TMEM217: variants seen among roughly 807,000 people sequenced by gnomAD.
TMEM217 encodes the protein chromosome 6 open reading frame 128.
For missense variants in TMEM217, 204 were observed against 248.8 expected, an observed-to-expected ratio of 0.82 and a Z score of 1.21; for synonymous variants, 76 against 88.3, an observed-to-expected ratio of 0.86 and a Z score of 0.78.
At chr6:37,225,654 C>T (rs1257724269) in intron 1 of TMEM217, among the ~76,000 whole-genome samples, 3 of 152,196 alleles carry the variant, frequency 2.0e-5, no homozygotes, top group African/African-American at 7.2e-5. Flanking sequence ...ATTTTGGGTT[C>T]CCATTGGTCT....
intron 1 of TMEM217, among the ~76,000 whole-genome samples, chr6:37,253,407 A>AC (rs2113935514): frequency 1.3e-5 from 2 of 151,878 alleles, no homozygotes; most frequent in South Asian, 4.2e-4. Flanking sequence ...TTTTCCCTTC[A>AC]CCCCCCAAAT....
intron 1 of TMEM217, among the ~76,000 whole-genome samples, chr6:37,224,461 G>A (rs1222049675): frequency 6.6e-6 from 1 of 151,554 alleles, no homozygotes; most frequent in African/African-American, 2.4e-5. Context: ...AGCCGGGCGT[G>A]GTGGCGGGCA....
rs1224310 is a variant in TMEM217 at position 37,219,153 on chromosome 6, C to T, written c.-11-112G>A. ...CTTTGGAGAAATATAGACAGAAATA[C>T]GAAAACTGGGAAACTATAGCCTTGG... is the stretch of plus-strand genomic sequence containing the variant. On this transcript the variant is annotated intron_variant, in intron 1 of 1. Transcript: ENST00000357219. 0.013 allele frequency: 12,658 copies of T among 943,614 alleles called. 969 individuals carry two copies. The African/African-American group carries it at 0.17, about 13-fold the overall frequency. The allele number at this position is 943,614 out of a possible 1,614,324, so 58.5% of individuals were successfully genotyped here. A position where few individuals can be genotyped will look rare whatever the true frequency, so the allele number is the denominator to read the frequency against.
At chr6:37,214,963 C>T (rs572729436), downstream of TMEM217, among the ~76,000 whole-genome samples, 16 of 152,340 alleles carry the variant, frequency 1.1e-4, no homozygotes, top group African/African-American at 3.6e-4. Context: ...GGGTACTCAC[C>T]TGAATTGTCT....
chr6:37,243,545 A>T (rs903131585), intron 1 of TMEM217, among the ~76,000 whole-genome samples: 3 of 152,104 alleles, frequency 2.0e-5, no homozygotes, highest in African/African-American at 7.2e-5. Context: ...ATCATATGGG[A>T]TATGGAGTTA....
At chr6:37,213,914 C>T (rs149281162), downstream of TMEM217, among the ~76,000 whole-genome samples, 289 of 152,332 alleles carry the variant, frequency 1.9e-3, 2 homozygotes, top group African/African-American at 6.1e-3. Flanking sequence ...GGCACAGTCA[C>T]ACATTAGGAG....
At chr6:37,233,534 G>A (rs1764325443) in intron 1 of TMEM217, among the ~76,000 whole-genome samples, 1 of 152,190 alleles carries the variant, frequency 6.6e-6, no homozygotes, top group African/African-American at 2.4e-5. Flanking sequence ...CCTCTTTTAC[G>A]AGGGCATTAA....
At chr6:37,218,815 A>C (rs746902624) in exon 2 of TMEM217, 1 of 1,614,108 alleles carries the variant, frequency 6.2e-7, no homozygotes, top group African/African-American at 1.3e-5. Context: ...TGGTGATGAA[A>C]GACAGGAAGA....
At chr6:37,252,424 T>C (rs1001415225) in intron 1 of TMEM217, among the ~76,000 whole-genome samples, 1 of 151,918 alleles carries the variant, frequency 6.6e-6, no homozygotes, top group Non-Finnish European at 1.5e-5. Flanking sequence ...CTGCCTTTGA[T>C]ACAAGAAGTT....
At chr6:37,218,036 T>G in exon 2 of TMEM217, 1 of 997,646 alleles carries the variant, frequency 1.0e-6, no homozygotes. Context: ...GTAGGGTCTC[T>G]ACTTGCAGAA....
intron 1 of TMEM217, among the ~76,000 whole-genome samples, chr6:37,228,879 C>T (rs1399465260): frequency 2.6e-5 from 4 of 151,646 alleles, no homozygotes; most frequent in African/African-American, 9.7e-5. Flanking sequence ...TGCCTGTAGT[C>T]CCAGCTACTC....
intron 1 of TMEM217, among the ~76,000 whole-genome samples, chr6:37,220,114 G>A (rs188178384): frequency 3.2e-4 from 48 of 152,242 alleles, no homozygotes; most frequent in African/African-American, 1.1e-3. Flanking sequence ...ATAGAAGCGC[G>A]TAAGTCAATG....
In TMEM217 at chr6:37,229,400, C is replaced by T. The variant is rs1001790140; in HGVS notation, c.-11-10359G>A. Among the ~76,000 whole-genome samples, 101 of 121,042 alleles carry T rather than the reference C, an allele frequency of 8.3e-4. 2 individuals carry two copies. The highest frequency in any genetic ancestry group is 2.2e-4 in the Non-Finnish European group (14 of 62,762). 79.4% of individuals were successfully genotyped at this position (121,042 alleles called of 152,430 possible). A position where few individuals can be genotyped will look rare whatever the true frequency, so the allele number is the denominator to read the frequency against. ...CTCTGTCGCCCAGGCTGGAGTGCAG[C>T]GGCGCGATCTCGGCTCACTGCAAGC... On this transcript the variant is annotated intron_variant, in intron 1 of 1. Coordinates refer to ENST00000357219, the Ensembl canonical transcript of TMEM217.
downstream of TMEM217, among the ~76,000 whole-genome samples, chr6:37,216,365 C>T (rs1763205546): frequency 6.6e-6 from 1 of 152,138 alleles, no homozygotes; most frequent in Admixed American, 6.5e-5. Context: ...AGACGTGAGC[C>T]CCTGCGCCTG....
At chr6:37,237,097 T>C (rs537883941) in intron 1 of TMEM217, among the ~76,000 whole-genome samples, 1 of 152,322 alleles carries the variant, frequency 6.6e-6, no homozygotes, top group South Asian at 2.1e-4. Flanking sequence ...ACACGTTTCC[T>C]GGACACTATT....
Position 37,239,833 on chromosome 6 carries a change from T to A in TMEM217, c.-12+17735A>T, listed in dbSNP as rs909838831. 1.0e-4 allele frequency among the ~76,000 whole-genome samples: 15 copies of A among 150,136 alleles called. 1 individual carries two copies. Among genetic ancestry groups the A allele is most frequent in the Middle Eastern group, 6.8e-3 (2 of 292 alleles). On this transcript the variant is annotated intron_variant, in intron 1 of 1. Coordinates refer to ENST00000357219, the Ensembl canonical transcript of TMEM217. ...AAGATCCTCCCCTTAAATAGGAGGA[T>A]CACTTAAGCCCAGGGGTTTCAGACC... is the stretch of plus-strand genomic sequence containing the variant.
intron 1 of TMEM217, among the ~76,000 whole-genome samples, chr6:37,251,278 C>T (rs564300334): frequency 5.3e-5 from 8 of 149,930 alleles, no homozygotes; most frequent in Non-Finnish European, 7.4e-5. Context: ...TGAACACCCA[C>T]TCATCTTGCT....
At chr6:37,234,136 G>A (rs1040495390) in intron 1 of TMEM217, among the ~76,000 whole-genome samples, 1 of 138,468 alleles carries the variant, frequency 7.2e-6, no homozygotes. Flanking sequence ...GTCTTGCTCT[G>A]TCACCCAGGA....
At chr6:37,247,679 G>A (rs1163736643) in intron 1 of TMEM217, among the ~76,000 whole-genome samples, 2 of 151,986 alleles carry the variant, frequency 1.3e-5, no homozygotes, top group Non-Finnish European at 2.9e-5. Flanking sequence ...AACCCGGCAA[G>A]GGCAAACTAT....
Sources: gnomAD v4.1 joint callset for allele counts (sites outside exome capture counted in the v4.1 genomes callset) on GRCh38, gnomAD v4.1.1 for gene constraint, MANE v1.5 for transcripts, NCBI Gene and HGNC (gene_info 2026-07-23, HGNC 2026-07-21) for gene names.